UBL3: variants seen among roughly 807,000 people sequenced by gnomAD.
UBL3 encodes ubiquitin-like protein 3.
UBL3 carries 6 observed loss-of-function variants against 18.4 expected under a neutral mutation model. The observed-to-expected ratio is 0.33, with a 90% CI of 0.18 to 0.64. The LOEUF (loss-of-function observed/expected upper bound fraction) is 0.64. Among genes scored for constraint, UBL3 ranks in the 30% least tolerant of loss-of-function variants. UBL3 has a pLI of 0.76. For synonymous variants in UBL3, 49 were observed against 46.6 expected (o/e 1.05, Z -0.21); for missense variants, 109 against 142.9 (o/e 0.76, Z 1.21).
intron 2 of UBL3, among the ~76,000 whole-genome samples, chr13:29,773,657 C>T (rs566043559): frequency 6.6e-6 from 1 of 152,210 alleles, no homozygotes; most frequent in South Asian, 2.1e-4. Flanking sequence ...TTTCCACGTA[C>T]TTCACTGGTG....
intron 1 of UBL3, among the ~76,000 whole-genome samples, chr13:29,788,918 A>G (rs1877411573): frequency 6.9e-6 from 1 of 145,912 alleles, no homozygotes; most frequent in Non-Finnish European, 1.5e-5. Context: ...TGTGTGTTTG[A>G]GACGGAGTTT....
intron 1 of UBL3, among the ~76,000 whole-genome samples, chr13:29,778,460 T>C (rs1413348884): frequency 6.6e-6 from 1 of 152,222 alleles, no homozygotes; most frequent in African/African-American, 2.4e-5. Flanking sequence ...AAGATCCTAC[T>C]AAAAGTTGGG....
At chr13:29,768,482 C>T (rs1876749145) in intron 3 of UBL3, among the ~76,000 whole-genome samples, 1 of 151,992 alleles carries the variant, frequency 6.6e-6, no homozygotes, top group Admixed American at 6.6e-5. Flanking sequence ...CCTCAAACTA[C>T]CCTCTCTTCA....
intron 1 of UBL3, among the ~76,000 whole-genome samples, chr13:29,788,900 CGTGT>C (rs879286946): frequency 2.4e-4 from 9 of 38,136 alleles, no homozygotes; most frequent in African/African-American, 3.7e-4. Context: ...CACGTGTGTG[CGTGT>C]GTGTGTGTGT....
chr13:29,835,116 ATATATATAAATATATATATAT>A (rs1878901941), intron 1 of UBL3, among the ~76,000 whole-genome samples: 1 of 24,806 alleles, frequency 4.0e-5, no homozygotes, highest in Non-Finnish European at 6.6e-5. Flanking sequence ...AAATATATAT[ATATATATAAATATATATATAT>A]ATATATATAT....
intron 1 of UBL3, among the ~76,000 whole-genome samples, chr13:29,840,207 T>TAC (rs745610778): frequency 2.1e-3 from 320 of 151,514 alleles, no homozygotes; most frequent in African/African-American, 6.0e-3. Flanking sequence ...TATAAAAGGA[T>TAC]ACACACACAC....
rs539865840 is a variant in UBL3, at chr13:29,818,784, A to G, written c.27+30728T>C. Among the ~76,000 whole-genome samples, 48 of 152,304 alleles carry G rather than the reference A, an allele frequency of 3.2e-4. 1 individual carries two copies. In the South Asian group the frequency reaches 7.3e-3, roughly 23 times the overall value. On this transcript the variant is annotated intron_variant, in intron 1 of 4. Coordinates refer to ENST00000380680, the MANE Select transcript of UBL3 (RefSeq NM_007106.4). The stretch of plus-strand genomic sequence containing the variant: ...GAATACTGTCTCAGACAGAATTTAA[A>G]AAGACCTTTCCCATGCGTTCTCCCC...
Position 29,766,573 on chromosome 13 carries a change from T to G in UBL3, c.*682A>C, listed in dbSNP as rs1370923748. On this transcript the variant is annotated 3_prime_UTR_variant, in exon 5 of 5. Transcript: ENST00000380680. ...AGTTACTGTAGGACTCAAGAGTGCATGTCTTAAAGGAAAAAAAATTAGTTT... is the reference window on the plus strand; with the variant it reads ...AGTTACTGTAGGACTCAAGAGTGCAGGTCTTAAAGGAAAAAAAATTAGTTT... 6.6e-6 allele frequency: 1 copy of G among 152,548 alleles called. No individual in the cohort carries two copies. The highest frequency in any genetic ancestry group is 1.5e-5 in the Non-Finnish European group (1 of 67,996). 9.4% of individuals were successfully genotyped at this position (152,548 alleles called of 1,614,324 possible).
At chr13:29,794,076 C>G (rs926358196) in intron 1 of UBL3, among the ~76,000 whole-genome samples, 1 of 152,086 alleles carries the variant, frequency 6.6e-6, no homozygotes, top group Non-Finnish European at 1.5e-5. Flanking sequence ...AAACTCCTGG[C>G]CTCAAGAGAT....
intron 1 of UBL3, among the ~76,000 whole-genome samples, chr13:29,814,246 G>A (rs1430682902): frequency 6.6e-6 from 1 of 151,836 alleles, no homozygotes; most frequent in African/African-American, 2.4e-5. Context: ...AATCATACAA[G>A]GTCTTTCAGC....
At chr13:29,824,687 C>G (rs1419699816) in intron 1 of UBL3, among the ~76,000 whole-genome samples, 1 of 152,244 alleles carries the variant, frequency 6.6e-6, no homozygotes, top group East Asian at 1.9e-4. Flanking sequence ...GTTTCTTTTG[C>G]TGTGCAGAAG....
In UBL3 at chr13:29,767,114, T is replaced by G; in HGVS notation, c.*141A>C. On this transcript the variant is annotated 3_prime_UTR_variant, in exon 5 of 5. Coordinates refer to ENST00000380680, the MANE Select transcript of UBL3 (RefSeq NM_007106.4). ...TTCTTTTTACTTTCATGAGAAAAGA[T>G]GACAGTGTTCATGTGGTAATTCAGT... 1 of 680,578 alleles carries G rather than the reference T, an allele frequency of 1.5e-6. No homozygotes were observed. The allele number at this position is 680,578 out of a possible 1,614,324, so 42.2% of individuals were successfully genotyped here.
intron 1 of UBL3, among the ~76,000 whole-genome samples, chr13:29,781,281 T>G (rs1029605007): frequency 1.3e-5 from 2 of 152,212 alleles, no homozygotes; most frequent in South Asian, 2.1e-4. Context: ...ATCTCACACA[T>G]ATATATGTAC....
chr13:29,840,169 T>C (rs1215059856), intron 1 of UBL3, among the ~76,000 whole-genome samples: 1 of 151,902 alleles, frequency 6.6e-6, no homozygotes, highest in Non-Finnish European at 1.5e-5. Flanking sequence ...AAAGGAGAGA[T>C]CATAGATACT....
Position 29,764,726 on chromosome 13 carries a change from A to G in UBL3, c.*2529T>C, listed in dbSNP as rs1335563779. 2 of 152,254 alleles carry G rather than the reference A, an allele frequency of 1.3e-5. No homozygotes were observed. The highest frequency in any genetic ancestry group is 2.9e-5 in the Non-Finnish European group (2 of 68,048). The allele number at this position is 152,254 out of a possible 1,614,324, so 9.4% of individuals were successfully genotyped here. On this transcript the variant is annotated 3_prime_UTR_variant, in exon 5 of 5. Transcript: ENST00000380680. Reference sequence around the variant, plus strand: ...AGGTAAAAGAGATGAGTGAGACACCAGCGTTAGGCAGGGACATAGGCTCAT... The same window carrying G: ...AGGTAAAAGAGATGAGTGAGACACCGGCGTTAGGCAGGGACATAGGCTCAT...
chr13:29,806,223 A>G (rs1000129117), intron 1 of UBL3, among the ~76,000 whole-genome samples: 2 of 152,170 alleles, frequency 1.3e-5, no homozygotes, highest in Non-Finnish European at 1.5e-5. Flanking sequence ...AGTATCTTGT[A>G]TTTCTATATT....
chr13:29,820,645 T>C (rs1878411161), intron 1 of UBL3, among the ~76,000 whole-genome samples: 1 of 152,226 alleles, frequency 6.6e-6, no homozygotes, highest in Non-Finnish European at 1.5e-5. Flanking sequence ...TGAGTTATCA[T>C]CCACTACATT....
intron 1 of UBL3, among the ~76,000 whole-genome samples, chr13:29,835,128 ATATATATATATATATATAT>A (rs1878910375): frequency 2.7e-4 from 1 of 3,738 alleles, no homozygotes; most frequent in African/African-American, 1.3e-3. Context: ...ATATATAAAT[ATATATATATATATATATAT>A]ATATATATAT....
intron 1 of UBL3, among the ~76,000 whole-genome samples, chr13:29,822,414 C>T (rs1318426877): frequency 6.6e-6 from 1 of 152,126 alleles, no homozygotes; most frequent in Non-Finnish European, 1.5e-5. Context: ...AAATAAGCAT[C>T]CCACAAATCT....
Sources: allele counts gnomAD v4.1 joint callset (sites outside exome capture counted in the v4.1 genomes callset), GRCh38; gene constraint gnomAD v4.1.1; transcripts MANE v1.5; gene names NCBI Gene and HGNC (gene_info 2026-07-23, HGNC 2026-07-21).